Variants in ZNF618 observed in about 807,000 individuals in gnomAD.
The protein encoded by ZNF618 is zinc finger protein 618.
ZNF618 carries 34 observed loss-of-function variants against 103.0 expected under a neutral mutation model. The observed-to-expected ratio is 0.33, with a 90% CI of 0.25 to 0.44. The LOEUF (loss-of-function observed/expected upper bound fraction) is 0.44. ZNF618 is among the 20% of genes least tolerant of loss of function. The probability of loss-of-function intolerance (pLI) is 1.00; values close to 1 mark genes in which losing one functional copy is unlikely to be tolerated. For missense variants in ZNF618, 1,059 were observed against 1,295.4 expected, an observed-to-expected ratio of 0.82 and a Z score of 2.80; for synonymous variants, 551 against 542.2, an observed-to-expected ratio of 1.02 and a Z score of -0.23.
chr9:114,006,640 C>T (rs1320665637), intron 6 of ZNF618, among the ~76,000 whole-genome samples: 2 of 152,190 alleles, frequency 1.3e-5, no homozygotes, highest in South Asian at 4.1e-4. Flanking sequence ...TTGATTATCC[C>T]TCAGTTTCTA....
chr9:113,981,032 G>A (rs1838922023), intron 2 of ZNF618, among the ~76,000 whole-genome samples: 1 of 152,188 alleles, frequency 6.6e-6, no homozygotes, highest in African/African-American at 2.4e-5. Context: ...TAGAGTTGGA[G>A]GACTTGGTCA....
chr9:114,050,337 T>TAAACAGCCACACGTGTGTGC lies in ZNF618; in HGVS notation c.*171_*172insAACAGCCACACGTGTGTGCA, dbSNP rs1224613699. On this transcript the variant is annotated 3_prime_UTR_variant, in exon 15 of 15. Transcript: ENST00000374126. ...TTATATGTGTGTGTGTGCGTGTATG[T>TAAACAGCCACACGTGTGTGC]ACACAGCCACACGTGTGTGCACGTG... 2.7e-6 allele frequency: 2 copies of TAAACAGCCACACGTGTGTGC among 735,170 alleles called. No individual in the cohort carries two copies. The highest frequency in any genetic ancestry group is 4.3e-6 in the Non-Finnish European group (2 of 469,896). The allele number at this position is 735,170 out of a possible 1,614,324, so 45.5% of individuals were successfully genotyped here. A position where few individuals can be genotyped will look rare whatever the true frequency, so the allele number is the denominator to read the frequency against.
chr9:113,876,404 G>C lies in ZNF618; in HGVS notation c.24G>C (p.Ala8=), dbSNP rs1827929554. Residue 8 remains alanine, a synonymous_variant, in exon 1 of 15, where the codon GCG becomes GCC. Coordinates refer to ENST00000374126, the MANE Select transcript of ZNF618 (RefSeq NM_001318042.2). ...CCATGAACCAGCCGGGCGGCGCGGC[G>C]GCTCCGCAGGTACGACGGGGGGCCG... is the stretch of plus-strand genomic sequence containing the variant. MNQPGGA[A]APQADGASAA... 4 of 1,202,238 alleles carry C rather than the reference G, an allele frequency of 3.3e-6. No individual in the cohort carries two copies. The highest frequency in any genetic ancestry group is 4.1e-6 in the Non-Finnish European group (4 of 969,032). 74.5% of individuals were successfully genotyped at this position (1,202,238 alleles called of 1,614,324 possible).
Position 114,030,571 on chromosome 9 carries a change from GC to G in ZNF618, c.1084+1601del, listed in dbSNP as rs1228732206. On this transcript the variant is annotated intron_variant, in intron 11 of 14. Coordinates refer to ENST00000374126, the MANE Select transcript of ZNF618 (RefSeq NM_001318042.2). ...CAAGCTATGGGACAGGCCTCAGGCT[GC>G]CTTCATGTGCCTTGGAAGACTTGTG... Among the ~76,000 whole-genome samples, 13 of 152,316 alleles carry G rather than the reference GC, an allele frequency of 8.5e-5. No individual in the cohort carries two copies. In the East Asian group the frequency reaches 2.5e-3, roughly 29 times the overall value.
chr9:114,039,360 C>CTTTTTTT (rs1844923354), intron 13 of ZNF618, among the ~76,000 whole-genome samples: 1 of 68,970 alleles, frequency 1.4e-5, no homozygotes, highest in Non-Finnish European at 3.0e-5. Context: ...TTTTTTTTTT[C>CTTTTTTT]CTTTGAGACA....
rs974990881 is a variant in ZNF618 at position 114,002,077 on chromosome 9, A to G, written c.511+4A>G. The G allele has an allele frequency of 1.2e-6, 2 of 1,612,134 alleles. No homozygotes were observed. The highest frequency in any genetic ancestry group is 2.7e-5 in the African/African-American group (2 of 74,924). On this transcript the variant is annotated splice_donor_region_variant and intron_variant, in intron 5 of 14. Coordinates refer to ENST00000374126, the MANE Select transcript of ZNF618 (RefSeq NM_001318042.2). ...ACCCACGTGCGGGCGCACCGAGGTG[A>G]GAGGAGTGTCCCTGGGGCAGAGCCC...
At chr9:113,951,460 C>CGT (rs1554732924) in intron 1 of ZNF618, among the ~76,000 whole-genome samples, 1 of 18,328 alleles carries the variant, frequency 5.5e-5, no homozygotes, top group African/African-American at 2.0e-4. Context: ...TGTATATATA[C>CGT]ATATATGTGT....
At chr9:113,953,715 T>C (rs1342079816) in intron 1 of ZNF618, among the ~76,000 whole-genome samples, 2 of 152,120 alleles carry the variant, frequency 1.3e-5, no homozygotes, top group Non-Finnish European at 2.9e-5. Flanking sequence ...CCTGCCTCAC[T>C]CCAGACTCAG....
intron 7 of ZNF618, among the ~76,000 whole-genome samples, chr9:114,008,124 G>A (rs181613769): frequency 1.8e-4 from 27 of 152,356 alleles, no homozygotes; most frequent in African/African-American, 5.8e-4. Flanking sequence ...TAGTGAGGAC[G>A]AGGGATTGAG....
chr9:113,876,775 C>G (rs77417279), intron 1 of ZNF618, among the ~76,000 whole-genome samples: 49 of 150,216 alleles, frequency 3.3e-4, no homozygotes, highest in Admixed American at 9.2e-4. Context: ...CCCCTCCCCC[C>G]CAAATTTGCA....
At chr9:113,942,591 C>G (rs1415936600) in intron 1 of ZNF618, among the ~76,000 whole-genome samples, 1 of 152,180 alleles carries the variant, frequency 6.6e-6, no homozygotes, top group Non-Finnish European at 1.5e-5. Flanking sequence ...GCACTGCATG[C>G]AGTAGGTGCT....
At chr9:113,954,790 C>T (rs915870382) in intron 1 of ZNF618, among the ~76,000 whole-genome samples, 1 of 152,170 alleles carries the variant, frequency 6.6e-6, no homozygotes, top group South Asian at 2.1e-4. Context: ...CAGTAGGATG[C>T]TCATCAGGAA....
chr9:114,031,249 C>T (rs1232179166), intron 11 of ZNF618, among the ~76,000 whole-genome samples: 1 of 152,162 alleles, frequency 6.6e-6, no homozygotes, highest in Non-Finnish European at 1.5e-5. Flanking sequence ...CACCCCTTTC[C>T]CTAGACCGAG....
At chr9:113,964,429 A>G (rs1837164862) in intron 1 of ZNF618, among the ~76,000 whole-genome samples, 1 of 152,186 alleles carries the variant, frequency 6.6e-6, no homozygotes, top group African/African-American at 2.4e-5. Context: ...CAGTGAGCAC[A>G]AAAGATTGGA....
At chr9:113,904,960 A>T (rs1830857052) in intron 1 of ZNF618, among the ~76,000 whole-genome samples, 1 of 152,210 alleles carries the variant, frequency 6.6e-6, no homozygotes, top group African/African-American at 2.4e-5. Context: ...ATCTGCTTGT[A>T]GCCTAACACC....
intron 1 of ZNF618, among the ~76,000 whole-genome samples, chr9:113,948,993 T>G (rs1289889773): frequency 2.0e-5 from 3 of 152,252 alleles, no homozygotes; most frequent in Non-Finnish European, 2.9e-5. Context: ...TCAAGGACGG[T>G]GGGCAGTTGA....
At chr9:113,929,350 A>G (rs373343239) in intron 1 of ZNF618, among the ~76,000 whole-genome samples, 6 of 152,310 alleles carry the variant, frequency 3.9e-5, no homozygotes, top group African/African-American at 1.4e-4. Flanking sequence ...TGCAGATTTC[A>G]GGGTGGTTTG....
At chr9:113,985,324 T>A (rs1445243121) in intron 2 of ZNF618, among the ~76,000 whole-genome samples, 1 of 152,238 alleles carries the variant, frequency 6.6e-6, no homozygotes, top group Non-Finnish European at 1.5e-5. Context: ...AGTGCTTCTC[T>A]TGACGGGGAG....
chr9:113,938,356 A>AAT (rs1554729213), intron 1 of ZNF618, among the ~76,000 whole-genome samples: 2 of 149,196 alleles, frequency 1.3e-5, no homozygotes, highest in Non-Finnish European at 3.0e-5. Context: ...AAAAAAAAAA[A>AAT]GTTTTGTAAG....
Sources: allele counts gnomAD v4.1 joint callset (sites outside exome capture counted in the v4.1 genomes callset), GRCh38; gene constraint gnomAD v4.1.1; transcripts MANE v1.5; gene names NCBI Gene and HGNC (gene_info 2026-07-23, HGNC 2026-07-21).